Variants in COL15A1 observed in about 807,000 individuals in gnomAD.
COL15A1 encodes the protein collagen alpha-1(XV) chain.
A neutral mutation model predicts 165.9 loss-of-function variants in COL15A1; 111 were observed. That is an observed-to-expected ratio of 0.67 (90% CI 0.57 to 0.78). COL15A1 has a LOEUF of 0.78. Ranked by LOEUF, COL15A1 falls within the 30% of genes least tolerant of loss-of-function variation. The pLI is 0.00. For missense variants in COL15A1, 1,745 were observed against 1,789.7 expected (o/e 0.98, Z 0.45); for synonymous variants, 659 against 674.8 (o/e 0.98, Z 0.36).
chr9:99,035,451 T>TTGTCACAC (rs1190022183), intron 19 of COL15A1, 33 bp downstream of exon 19: 1 of 1,613,568 alleles, frequency 6.2e-7, no homozygotes, highest in South Asian at 1.1e-5. Context: ...ATTATGAGGG[T>TTGTCACAC]TGTCACACTG....
intron 2 of COL15A1, among the ~76,000 whole-genome samples, chr9:98,969,369 C>T (rs1034935006): frequency 6.6e-6 from 1 of 152,224 alleles, no homozygotes; most frequent in Non-Finnish European, 1.5e-5. Flanking sequence ...ATTCCTCTTG[C>T]GGATCGAGAA....
Position 99,038,653 on chromosome 9 carries a change from T to C in COL15A1, c.2410-15T>C. On this transcript the variant is annotated splice_polypyrimidine_tract_variant and intron_variant, in intron 21 of 41. Transcript: ENST00000375001. The stretch of plus-strand genomic sequence containing the variant: ...GCCATCCTTTGTCCTCATTGTCTGA[T>C]TTTTCTCTTTTCAGTCCTTGATCAA... The C allele has an allele frequency of 1.3e-6, 2 of 1,553,632 alleles. No homozygotes were observed. The highest frequency in any genetic ancestry group is 1.8e-6 in the Non-Finnish European group (2 of 1,125,198).
intron 18 of COL15A1, 63 bp from the exon 19 acceptor site, chr9:99,035,287 C>T (rs1478463580): frequency 6.2e-7 from 1 of 1,609,284 alleles, no homozygotes; most frequent in East Asian, 2.2e-5. Flanking sequence ...TCCAACACCA[C>T]ACCTGGCACA....
At chr9:98,950,662 G>C (rs1444933161) in intron 2 of COL15A1, among the ~76,000 whole-genome samples, 1 of 147,664 alleles carries the variant, frequency 6.8e-6, no homozygotes, top group Non-Finnish European at 1.5e-5. Context: ...ACCCAGGCTG[G>C]AGTTGGTGGC....
At chr9:99,060,858 T>C (rs944228408) in intron 36 of COL15A1, among the ~76,000 whole-genome samples, 4 of 151,690 alleles carry the variant, frequency 2.6e-5, no homozygotes, top group Non-Finnish European at 4.4e-5. Context: ...CCAGCCTGGG[T>C]GAAAAAGCAA....
At chr9:99,048,904 C>T (rs1224731089) in intron 28 of COL15A1, among the ~76,000 whole-genome samples, 4 of 152,112 alleles carry the variant, frequency 2.6e-5, no homozygotes, top group Admixed American at 6.5e-5. Flanking sequence ...AAGATGTAAA[C>T]ACAGCTCTAA....
chr9:99,043,825 C>T (rs1839451304), intron 24 of COL15A1, among the ~76,000 whole-genome samples: 1 of 152,218 alleles, frequency 6.6e-6, no homozygotes, highest in Admixed American at 6.5e-5. Context: ...GTCTTGTTCT[C>T]TTGACAATCA....
In COL15A1 at chr9:99,036,432, T is replaced by C. The variant is rs541959803; in HGVS notation, c.2409+36T>C. ...TTCAGGTCAGAGCTTGTCTACATAT[T>C]TTCCACCTTTGCCAAAGGGAGGAGA... On this transcript the variant is annotated intron_variant, in intron 21 of 41. Coordinates refer to ENST00000375001, the MANE Select transcript of COL15A1 (RefSeq NM_001855.5). 1,644 of 1,606,470 alleles carry C rather than the reference T, an allele frequency of 1.0e-3. 28 individuals carry two copies. In the South Asian group the frequency reaches 0.017, roughly 17 times the overall value.
chr9:99,002,574 C>A (rs1838680044), intron 7 of COL15A1, among the ~76,000 whole-genome samples: 1 of 152,190 alleles, frequency 6.6e-6, no homozygotes, highest in Non-Finnish European at 1.5e-5. Flanking sequence ...GGGGAGATTA[C>A]CTGATGCCTG....
chr9:98,952,346 T>C (rs1837702060), intron 2 of COL15A1, among the ~76,000 whole-genome samples: 1 of 152,208 alleles, frequency 6.6e-6, no homozygotes. Flanking sequence ...TGGAATTCAC[T>C]CTAATGTTAA....
At chr9:99,056,435 G>A (rs771368937) in intron 35 of COL15A1, 31 bp downstream of exon 35, 4 of 1,577,134 alleles carry the variant, frequency 2.5e-6, no homozygotes, top group South Asian at 2.3e-5. Flanking sequence ...CCTTGTTCAT[G>A]CTGTCCCTAC....
chr9:98,968,611 A>G (rs888190140), intron 2 of COL15A1, among the ~76,000 whole-genome samples: 1 of 152,188 alleles, frequency 6.6e-6, no homozygotes, highest in African/African-American at 2.4e-5. Flanking sequence ...TGATCTTTTT[A>G]TCTCAAGATC....
At position 99,024,887 on chromosome 9, in the gene COL15A1, C is replaced by G. The variant is rs901620406; in HGVS notation, c.1868C>G (p.Pro623Arg). ...TTGTGTTTTTAGGGTCCTCCAGGAC[C>G]CCCAGGGCCACCTGGCTTACCTGGG... is the stretch of plus-strand genomic sequence containing the variant. ...SEQLLRGPPGPPGPPGLPGIP... is the reference protein window; with the variant it reads ...SEQLLRGPPGRPGPPGLPGIP... Residue 623 changes from proline to arginine, a missense_variant, in exon 15 of 42, where the codon CCC becomes CGC. Transcript: ENST00000375001. 6.2e-7 allele frequency: 1 copy of G among 1,613,824 alleles called. No homozygotes were observed. Among genetic ancestry groups the G allele is most frequent in the Non-Finnish European group, 8.5e-7 (1 of 1,179,862 alleles).
intron 22 of COL15A1, among the ~76,000 whole-genome samples, chr9:99,039,907 C>A (rs1839371367): frequency 6.6e-6 from 1 of 152,204 alleles, no homozygotes. Flanking sequence ...TGCAGATCCC[C>A]ATGAGGTTGC....
At chr9:99,039,165 G>A (rs1033262957) in intron 22 of COL15A1, among the ~76,000 whole-genome samples, 1 of 152,146 alleles carries the variant, frequency 6.6e-6, no homozygotes, top group African/African-American at 2.4e-5. Flanking sequence ...GAAATTATCT[G>A]TGTGTTAATT....
In COL15A1 at chr9:99,054,773, G is replaced by A. The variant is rs955586666; in HGVS notation, c.3031+117G>A. ...CTAATGACATTCCACCCTGACCACA[G>A]GCTCCACTGGTTTCTAGTGAAAACC... On this transcript the variant is annotated intron_variant, in intron 32 of 41. Coordinates refer to ENST00000375001, the MANE Select transcript of COL15A1 (RefSeq NM_001855.5). The A allele has an allele frequency of 9.3e-5, 107 of 1,154,494 alleles. 1 individual carries two copies. In the Admixed American group the frequency reaches 2.0e-3, roughly 22 times the overall value. 71.5% of individuals were successfully genotyped at this position (1,154,494 alleles called of 1,614,324 possible). A position where few individuals can be genotyped will look rare whatever the true frequency, so the allele number is the denominator to read the frequency against.
chr9:99,024,285 G>GTTT (rs1016769818), intron 14 of COL15A1, among the ~76,000 whole-genome samples: 7 of 129,478 alleles, frequency 5.4e-5, no homozygotes, highest in African/African-American at 1.5e-4. Flanking sequence ...TTGTTTTTTT[G>GTTT]TTTTTTTTTT....
intron 35 of COL15A1, among the ~76,000 whole-genome samples, chr9:99,058,487 A>C (rs901815334): frequency 8.5e-5 from 13 of 152,160 alleles, no homozygotes; most frequent in African/African-American, 3.1e-4. Context: ...GGACTACAGG[A>C]GGTGGAGGCA....
chr9:98,992,321 G>A (rs1397009340), intron 5 of COL15A1, among the ~76,000 whole-genome samples: 1 of 152,246 alleles, frequency 6.6e-6, no homozygotes, highest in East Asian at 1.9e-4. Context: ...GGGGGACCCG[G>A]CACACCCTCT....
Sources: gnomAD v4.1 joint callset for allele counts (sites outside exome capture counted in the v4.1 genomes callset) on GRCh38, gnomAD v4.1.1 for gene constraint, MANE v1.5 for transcripts, NCBI Gene and HGNC (gene_info 2026-07-23, HGNC 2026-07-21) for gene names.